MPDZ: variants seen among roughly 807,000 people sequenced by gnomAD.
MPDZ encodes multiple PDZ domain crumbs cell polarity complex component.
MPDZ carries 234 observed loss-of-function variants against 239.1 expected under a neutral mutation model. The ratio of observed to expected loss-of-function variants is 0.98; its 90% CI spans 0.88 to 1.09. The LOEUF is 1.09. Ranked by LOEUF, MPDZ falls within the 50% of genes least tolerant of loss-of-function variation. The pLI is 0.00. For missense variants in MPDZ, 3,175 were observed against 2,510.0 expected, an observed-to-expected ratio of 1.26 and a Z score of -5.66; for synonymous variants, 1,048 against 881.3, an observed-to-expected ratio of 1.19 and a Z score of -3.35.
chr9:13,258,719 C>T (rs1239374167), intron 1 of MPDZ, among the ~76,000 whole-genome samples: 1 of 152,118 alleles, frequency 6.6e-6, no homozygotes, highest in Non-Finnish European at 1.5e-5. Context: ...TGAACTTCTC[C>T]CTCATTTTTA....
At chr9:13,249,651 T>C (rs965479207) in intron 2 of MPDZ, among the ~76,000 whole-genome samples, 2 of 152,202 alleles carry the variant, frequency 1.3e-5, no homozygotes, top group African/African-American at 4.8e-5. Flanking sequence ...CCCAAAGAGT[T>C]ACCTGGAATA....
chr9:13,278,573 C>T (rs938523368), intron 1 of MPDZ, among the ~76,000 whole-genome samples: 1 of 152,220 alleles, frequency 6.6e-6, no homozygotes, highest in African/African-American at 2.4e-5. Flanking sequence ...AGACACAAAG[C>T]GTCTCCCAAA....
At chr9:13,224,245 AACTG>A (rs1320502914) in intron 4 of MPDZ, 125 bp downstream of exon 4, 37 of 849,394 alleles carry the variant, frequency 4.4e-5, no homozygotes, top group Non-Finnish European at 6.2e-5. Context: ...ACTCCCACAA[AACTG>A]ACTTTTTGTT....
At chr9:13,145,113 T>C (rs1444739691) in intron 26 of MPDZ, among the ~76,000 whole-genome samples, 1 of 152,096 alleles carries the variant, frequency 6.6e-6, no homozygotes, top group Non-Finnish European at 1.5e-5. Context: ...TTGGCCCTGA[T>C]AGCAAAGTGT....
chr9:13,116,529 G>C (rs1412743308), intron 39 of MPDZ, among the ~76,000 whole-genome samples: 2 of 152,112 alleles, frequency 1.3e-5, no homozygotes, highest in African/African-American at 4.8e-5. Flanking sequence ...AACTTGACTT[G>C]TAATATCCAT....
chr9:13,169,960 CT>C lies in MPDZ; in HGVS notation c.3056-1397del, dbSNP rs1951575493. Among the ~76,000 whole-genome samples the C allele has an allele frequency of 2.6e-5, 4 of 152,288 alleles. No individual in the cohort carries two copies. In the South Asian group the frequency reaches 8.3e-4, roughly 32 times the overall value. On this transcript the variant is annotated intron_variant, in intron 21 of 46. Coordinates refer to ENST00000319217, the MANE Select transcript of MPDZ (RefSeq NM_001378778.1). The stretch of plus-strand genomic sequence containing the variant: ...CTCAGAAAGTCCTTCTCAACAGACT[CT>C]ATCTGAATTAATGTTCCCTTTGCAT...
At chr9:13,136,925 T>C (rs1214974844) in intron 29 of MPDZ, 122 bp from the exon 30 acceptor site, 95 of 496,662 alleles carry the variant, frequency 1.9e-4, no homozygotes, top group Non-Finnish European at 6.9e-5. Flanking sequence ...TATTAAATGT[T>C]ATATATTTTC....
At chr9:13,247,607 A>C in intron 3 of MPDZ, 28 bp downstream of exon 3, 1 of 1,589,672 alleles carries the variant, frequency 6.3e-7, no homozygotes. Flanking sequence ...CATGTCGTGA[A>C]TGCCTGCTTG....
chr9:13,245,571 T>C (rs1716386195), intron 3 of MPDZ, among the ~76,000 whole-genome samples: 1 of 152,186 alleles, frequency 6.6e-6, no homozygotes, highest in Non-Finnish European at 1.5e-5. Flanking sequence ...TCAGTATTAG[T>C]TTTCCCCTGT....
At chr9:13,243,343 A>C (rs1965857872) in intron 3 of MPDZ, among the ~76,000 whole-genome samples, 1 of 151,594 alleles carries the variant, frequency 6.6e-6, no homozygotes, top group African/African-American at 2.4e-5. Context: ...TGAACAATAC[A>C]TAGTCCTTCA....
intron 1 of MPDZ, among the ~76,000 whole-genome samples, chr9:13,268,022 G>C (rs1352610335): frequency 1.3e-5 from 2 of 152,004 alleles, no homozygotes; most frequent in Non-Finnish European, 2.9e-5. Context: ...TGTAAGATAA[G>C]GTATTCAAAA....
chr9:13,247,208 C>T (rs1443263640), intron 3 of MPDZ, among the ~76,000 whole-genome samples: 1 of 152,136 alleles, frequency 6.6e-6, no homozygotes, highest in East Asian at 1.9e-4. Context: ...GGTGATTTCC[C>T]TTCCTCATAC....
intron 30 of MPDZ, 138 bp from the exon 31 acceptor site, chr9:13,136,320 GTTTTCTTTTT>G (rs1194458332): frequency 1.6e-4 from 31 of 194,652 alleles, no homozygotes; most frequent in African/African-American, 7.3e-4. Flanking sequence ...ATTTACAAAC[GTTTTCTTTTT>G]TTTTTTTTTT....
intron 3 of MPDZ, among the ~76,000 whole-genome samples, chr9:13,226,839 C>T (rs1310962152): frequency 1.3e-5 from 2 of 152,034 alleles, no homozygotes; most frequent in Non-Finnish European, 2.9e-5. Flanking sequence ...GTTCAACATA[C>T]ATTGGCAGAA....
At chr9:13,202,592 T>C (rs1956517809) in intron 12 of MPDZ, among the ~76,000 whole-genome samples, 2 of 152,174 alleles carry the variant, frequency 1.3e-5, no homozygotes, top group Non-Finnish European at 1.5e-5. Context: ...CCCCAAGTGC[T>C]TTAGCCCTCC....
At position 13,115,344 on chromosome 9, in the gene MPDZ, G is replaced by A. The variant is rs750815149; in HGVS notation, c.5380-10C>T. 4 of 1,603,076 alleles carry A rather than the reference G, an allele frequency of 2.5e-6. No individual in the cohort carries two copies. Among genetic ancestry groups the A allele is most frequent in the Non-Finnish European group, 3.4e-6 (4 of 1,171,348 alleles). ...CTGTGCCTAGGGAACACTGGGGGTGGGCATGGGGGGTGTTTTATGGAAATG... is the reference window on the plus strand; with the variant it reads ...CTGTGCCTAGGGAACACTGGGGGTGAGCATGGGGGGTGTTTTATGGAAATG... On this transcript the variant is annotated splice_polypyrimidine_tract_variant and intron_variant, in intron 39 of 46. Coordinates refer to ENST00000319217, the MANE Select transcript of MPDZ (RefSeq NM_001378778.1).
intron 18 of MPDZ, among the ~76,000 whole-genome samples, chr9:13,184,297 T>G (rs1286686575): frequency 6.6e-6 from 1 of 152,000 alleles, no homozygotes; most frequent in African/African-American, 2.4e-5. Context: ...GAGCTTGAAG[T>G]TCTTTTTGCA....
chr9:13,174,725 G>A (rs1180727191), intron 21 of MPDZ, among the ~76,000 whole-genome samples: 1 of 152,122 alleles, frequency 6.6e-6, no homozygotes, highest in Non-Finnish European at 1.5e-5. Flanking sequence ...AATGAGTTAT[G>A]CAAAGTTCTG....
In MPDZ at chr9:13,125,401, G is replaced by A. The variant is rs535438420; in HGVS notation, c.4633-11C>T. ...CAGAAGGCTAATAAACTGGCAGGGT[G>A]TATGTGTGGAAGAGAAACAAAATTC... On this transcript the variant is annotated splice_polypyrimidine_tract_variant and intron_variant, in intron 34 of 46. Coordinates refer to ENST00000319217, the MANE Select transcript of MPDZ (RefSeq NM_001378778.1). 4.3e-6 allele frequency: 7 copies of A among 1,610,712 alleles called. No individual in the cohort carries two copies. In the East Asian group the frequency reaches 1.3e-4, roughly 31 times the overall value.
Sources: allele counts gnomAD v4.1 joint callset (sites outside exome capture counted in the v4.1 genomes callset), GRCh38; gene constraint gnomAD v4.1.1; transcripts MANE v1.5; gene names NCBI Gene and HGNC (gene_info 2026-07-23, HGNC 2026-07-21).